KCNJ2: variants seen among roughly 807,000 people sequenced by gnomAD.
KCNJ2 encodes the protein potassium inwardly rectifying channel subfamily J member 2.
KCNJ2 carries 12 observed loss-of-function variants against 28.4 expected under a neutral mutation model. That is an observed-to-expected ratio of 0.42 (90% CI 0.27 to 0.68). The LOEUF is 0.68. Among genes scored for constraint, KCNJ2 ranks in the 30% least tolerant of loss-of-function variants. The pLI, the probability that KCNJ2 is intolerant of heterozygous loss-of-function variation, is 0.23. For synonymous variants in KCNJ2, 200 were observed against 203.2 expected (o/e 0.98, Z 0.13); for missense variants, 320 against 551.3 (o/e 0.58, Z 4.20).
rs1598211848 is a variant in KCNJ2, at chr17:70,176,555, T to C, written c.*232T>C. On this transcript the variant is annotated 3_prime_UTR_variant, in exon 2 of 2. Coordinates refer to ENST00000243457, the MANE Select transcript of KCNJ2 (RefSeq NM_000891.3). The stretch of plus-strand genomic sequence containing the variant: ...CACATAGATGTTGTAGAATAAGTTA[T>C]GGGTTTTTATGTTTTGTTTTGTGTT... 1.7e-6 allele frequency: 1 copy of C among 586,712 alleles called. No homozygotes were observed. The highest frequency in any genetic ancestry group is 2.1e-5 in the South Asian group (1 of 48,778). The allele number at this position is 586,712 out of a possible 1,614,324, so 36.3% of individuals were successfully genotyped here.
Position 70,175,456 on chromosome 17 carries a change from C to T in KCNJ2, c.417C>T (p.Thr139=), listed in dbSNP as rs572394146. Reference sequence around the variant, plus strand: ...CTGCCTTCCTCTTCTCCATTGAGACCCAGACAACCATAGGCTATGGTTTCA... The same window carrying T: ...CTGCCTTCCTCTTCTCCATTGAGACTCAGACAACCATAGGCTATGGTTTCA... ...FTAAFLFSIE[T]QTTIGYGFRC... Residue 139 remains threonine (T), a synonymous_variant, in exon 2 of 2, where the codon ACC becomes ACT. Transcript: ENST00000243457. This position sits in a 1 kb window ranked among gnomAD's most constrained non-coding sequence, Gnocchi z 8.3. The T allele has an allele frequency of 4.3e-6, 7 of 1,614,112 alleles. No individual in the cohort carries two copies. The highest frequency in any genetic ancestry group is 4.0e-5 in the African/African-American group (3 of 75,000).
At chr17:70,170,089 G>A (rs763813776) in intron 1 of KCNJ2, among the ~76,000 whole-genome samples, 3 of 152,012 alleles carry the variant, frequency 2.0e-5, no homozygotes, top group East Asian at 3.8e-4. Flanking sequence ...GTGGTTGCGG[G>A]TTTGGGGGTG....
In KCNJ2 at chr17:70,175,024, G is replaced by A. The variant is rs768216389; in HGVS notation, c.-16G>A. On this transcript the variant is annotated 5_prime_UTR_variant, in exon 2 of 2. Transcript: ENST00000243457. This position sits in a 1 kb window ranked among gnomAD's most constrained non-coding sequence, Gnocchi z 8.3. Reference sequence around the variant, plus strand: ...TGTTTTCCAAAGCAGAAGCACTGGAGTCCCCAGCAGAAGCGATGGGCAGTG... The same window carrying A: ...TGTTTTCCAAAGCAGAAGCACTGGAATCCCCAGCAGAAGCGATGGGCAGTG... The A allele has an allele frequency of 7.4e-6, 12 of 1,613,280 alleles. No homozygotes were observed. The highest frequency in any genetic ancestry group is 1.7e-5 in the Admixed American group (1 of 59,982).
intron 1 of KCNJ2, among the ~76,000 whole-genome samples, chr17:70,170,454 G>GA (rs5821759): frequency 0.063 from 9,579 of 151,716 alleles, 1,022 homozygotes; most frequent in African/African-American, 0.22. Flanking sequence ...ATGACAATTG[G>GA]AAAAAAAATA....
At chr17:70,172,843 T>A (rs62081378) in intron 1 of KCNJ2, among the ~76,000 whole-genome samples, 5,894 of 152,318 alleles carry the variant, frequency 0.039, 135 homozygotes, top group Non-Finnish European at 0.058. Context: ...GCTGTCTCTG[T>A]CTGTTTAGTA....
chr17:70,170,090 T>A (rs1221447105), intron 1 of KCNJ2, among the ~76,000 whole-genome samples: 1 of 151,662 alleles, frequency 6.6e-6, no homozygotes, highest in Non-Finnish European at 1.5e-5. Context: ...TGGTTGCGGG[T>A]TTGGGGGTGC....
chr17:70,174,552 C>T (rs1215406106), intron 1 of KCNJ2, among the ~76,000 whole-genome samples: 2 of 152,044 alleles, frequency 1.3e-5, no homozygotes, highest in Non-Finnish European at 2.9e-5. Flanking sequence ...ATTCTAGATC[C>T]CTGGCCAAAA....
intron 1 of KCNJ2, among the ~76,000 whole-genome samples, chr17:70,173,133 GT>G (rs2074373728): frequency 6.6e-6 from 1 of 152,220 alleles, no homozygotes; most frequent in Non-Finnish European, 1.5e-5. Flanking sequence ...CAGGAAAAAT[GT>G]GTTGGGGCAC....
Position 70,178,958 on chromosome 17 carries a change from A to T in KCNJ2, c.*2635A>T, listed in dbSNP as rs2074411176. 6.0e-6 allele frequency: 1 copy of T among 166,638 alleles called. No homozygotes were observed. The highest frequency in any genetic ancestry group is 2.4e-5 in the African/African-American group (1 of 41,302). 10.3% of individuals were successfully genotyped at this position (166,638 alleles called of 1,614,324 possible). ...TTAGCAAATATATACCAGCCTTATA[A>T]GGTTCGTATTGCTATGTTCTTCTGT... On this transcript the variant is annotated 3_prime_UTR_variant, in exon 2 of 2. Transcript: ENST00000243457.
rs35753731 is a variant in KCNJ2, at chr17:70,178,027, CT to C, written c.*1721del. The C allele has an allele frequency of 0.021, 2,851 of 137,164 alleles. 11 individuals carry two copies. The highest frequency in any genetic ancestry group is 0.024 in the African/African-American group (870 of 36,722). 8.5% of individuals were successfully genotyped at this position (137,164 alleles called of 1,614,324 possible). On this transcript the variant is annotated 3_prime_UTR_variant, in exon 2 of 2. Coordinates refer to ENST00000243457, the MANE Select transcript of KCNJ2 (RefSeq NM_000891.3). ...CTCACTGAAGCTCAATAATGGAACT[CT>C]TTTTTTTTTTTTTTTTAATTTAAAG...
At chr17:70,172,357 CT>C (rs2074370062) in intron 1 of KCNJ2, among the ~76,000 whole-genome samples, 1 of 127,628 alleles carries the variant, frequency 7.8e-6, no homozygotes, top group Non-Finnish European at 1.7e-5. Context: ...TCCTCTTTTT[CT>C]CTTTCCAGGA....
chr17:70,172,539 T>C (rs959014950), intron 1 of KCNJ2, among the ~76,000 whole-genome samples: 3 of 152,194 alleles, frequency 2.0e-5, no homozygotes, highest in Non-Finnish European at 2.9e-5. Context: ...CAAACAAATG[T>C]CCTGGGGTCA....
chr17:70,178,950 G>A lies in KCNJ2; in HGVS notation c.*2627G>A, dbSNP rs1049962632. 3 of 166,438 alleles carry A rather than the reference G, an allele frequency of 1.8e-5. No individual in the cohort carries two copies. The highest frequency in any genetic ancestry group is 2.9e-5 in the Non-Finnish European group (2 of 68,022). The allele number at this position is 166,438 out of a possible 1,614,324, so 10.3% of individuals were successfully genotyped here. A position where few individuals can be genotyped will look rare whatever the true frequency, so the allele number is the denominator to read the frequency against. On this transcript the variant is annotated 3_prime_UTR_variant, in exon 2 of 2. Coordinates refer to ENST00000243457, the MANE Select transcript of KCNJ2 (RefSeq NM_000891.3). ...GCATGGTTTTAGCAAATATATACCA[G>A]CCTTATAAGGTTCGTATTGCTATGT...
intron 1 of KCNJ2, among the ~76,000 whole-genome samples, chr17:70,171,652 C>A (rs1189772579): frequency 1.3e-5 from 2 of 152,174 alleles, no homozygotes; most frequent in Non-Finnish European, 2.9e-5. Context: ...GCTCTTTCTC[C>A]TTTAACATCT....
At position 70,176,495 on chromosome 17, in the gene KCNJ2, T is replaced by A. The variant is rs1207564402; in HGVS notation, c.*172T>A. The A allele has an allele frequency of 4.3e-6, 3 of 692,670 alleles. No homozygotes were observed. In the East Asian group the frequency reaches 8.1e-5, roughly 19 times the overall value. The allele number at this position is 692,670 out of a possible 1,614,324, so 42.9% of individuals were successfully genotyped here. ...AAGACTGTAAGCTCCATGATTAGCATAAAGCACTAACCATGTCTCCATGTG... is the reference window on the plus strand; with the variant it reads ...AAGACTGTAAGCTCCATGATTAGCAAAAAGCACTAACCATGTCTCCATGTG... On this transcript the variant is annotated 3_prime_UTR_variant, in exon 2 of 2. Transcript: ENST00000243457.
chr17:70,172,517 A>T (rs2074370821), intron 1 of KCNJ2, among the ~76,000 whole-genome samples: 1 of 152,186 alleles, frequency 6.6e-6, no homozygotes, highest in Non-Finnish European at 1.5e-5. Context: ...GTATTGTGTG[A>T]TTTGTGGAAT....
chr17:70,170,306 C>A (rs929287096), intron 1 of KCNJ2, among the ~76,000 whole-genome samples: 1 of 152,108 alleles, frequency 6.6e-6, no homozygotes, highest in African/African-American at 2.4e-5. Flanking sequence ...CATTACATAT[C>A]ACTCTCCCCT....
At chr17:70,174,801 G>T in intron 1 of KCNJ2, 23 bp from the exon 2 acceptor site, 1 of 576,796 alleles carries the variant, frequency 1.7e-6, no homozygotes. Flanking sequence ...ATTTTGTAAT[G>T]CACAGTCTCT....
Position 70,176,283 on chromosome 17 carries a change from C to T in KCNJ2, c.1244C>T (p.Pro415Leu), listed in dbSNP as rs373799322. The part of the protein sequence containing the change: ...DIDLHNQASV[P>L]LEPRPLRRES... ...GACCTTCACAACCAGGCAAGTGTAC[C>T]TCTAGAGCCCAGGCCCTTACGGCGA... The change falls in exon 2 of 2, where the codon CCT becomes CTT. Residue 415 changes from proline (P) to leucine (L), a missense_variant. Around this residue, in one of 3 missense-constraint regions of KCNJ2, gnomAD observed 155 missense variants for 231.6 expected, o/e 0.67. Coordinates refer to ENST00000243457, the MANE Select transcript of KCNJ2 (RefSeq NM_000891.3). 191 of 1,613,878 alleles carry T rather than the reference C, an allele frequency of 1.2e-4. No individual in the cohort carries two copies. Among genetic ancestry groups the T allele is most frequent in the Middle Eastern group, 1.6e-4 (1 of 6,084 alleles).
Sources: allele counts gnomAD v4.1 joint callset (sites outside exome capture counted in the v4.1 genomes callset), GRCh38; gene constraint gnomAD v4.1.1; regional missense constraint gnomAD v4.1.1; non-coding constraint Gnocchi (gnomAD v3.1); transcripts MANE v1.5; gene names NCBI Gene and HGNC (gene_info 2026-07-23, HGNC 2026-07-21).